Variants in PIAS2 observed in about 807,000 individuals in gnomAD.
PIAS2 encodes E3 SUMO-protein ligase PIAS2.
A neutral mutation model predicts 69.7 loss-of-function variants in PIAS2; 19 were observed. The ratio of observed to expected loss-of-function variants is 0.27; its 90% confidence interval spans 0.19 to 0.40. The LOEUF is 0.40. Among genes scored for constraint, PIAS2 ranks in the 10% least tolerant of loss-of-function variants. The pLI, the probability that PIAS2 is intolerant of heterozygous loss-of-function variation, is 1.00. For missense variants in PIAS2, 624 were observed against 757.0 expected, an observed-to-expected ratio of 0.82 and a Z score of 2.06; for synonymous variants, 261 against 263.2, an observed-to-expected ratio of 0.99 and a Z score of 0.08.
rs1349411284 is a variant in PIAS2 at position 46,809,822 on chromosome 18, A to G, written c.*2611T>C. On this transcript the variant is annotated 3_prime_UTR_variant, in exon 14 of 14. Transcript: ENST00000585916. Reference sequence around the variant, plus strand: ...TACAGTTCATTTCCTAAGATATTCCAGACAATCACTGGTTGGCTGACAGAA... The same window carrying G: ...TACAGTTCATTTCCTAAGATATTCCGGACAATCACTGGTTGGCTGACAGAA... The G allele has an allele frequency of 6.6e-6, 1 of 152,042 alleles. No homozygotes were observed. Among genetic ancestry groups the G allele is most frequent in the East Asian group, 1.9e-4 (1 of 5,186 alleles). The allele number at this position is 152,042 out of a possible 1,614,324, so 9.4% of individuals were successfully genotyped here. A position where few individuals can be genotyped will look rare whatever the true frequency, so the allele number is the denominator to read the frequency against.
At chr18:46,913,151 G>C (rs1364854574) in intron 1 of PIAS2, among the ~76,000 whole-genome samples, 2 of 152,100 alleles carry the variant, frequency 1.3e-5, no homozygotes, top group Non-Finnish European at 2.9e-5. Flanking sequence ...CCAATAAATG[G>C]GGAGAGGAGC....
At chr18:46,817,601 T>C (rs2041697784) in intron 12 of PIAS2, 4 of 950,312 alleles carry the variant, frequency 4.2e-6, no homozygotes, top group Non-Finnish European at 3.8e-6. Flanking sequence ...CCACGGAAAA[T>C]TGAATGTGGT....
chr18:46,870,615 C>CAAAAAAAAAAA (rs58099640), intron 2 of PIAS2, among the ~76,000 whole-genome samples: 2 of 54,904 alleles, frequency 3.6e-5, no homozygotes, highest in Non-Finnish European at 6.0e-5. Context: ...GACTCCGTCT[C>CAAAAAAAAAAA]AAAAAAAAAA....
chr18:46,824,169 G>A (rs567331578), intron 11 of PIAS2, among the ~76,000 whole-genome samples: 1 of 152,146 alleles, frequency 6.6e-6, no homozygotes, highest in Non-Finnish European at 1.5e-5. Flanking sequence ...GCAAATATTA[G>A]TATTCCGGAT....
At chr18:46,815,164 T>C (rs1392456714) in intron 13 of PIAS2, 148 bp downstream of exon 13, 8 of 594,118 alleles carry the variant, frequency 1.3e-5, no homozygotes, top group Non-Finnish European at 1.8e-5. Context: ...TCAAATAAAA[T>C]TGTGAAATAT....
chr18:46,883,023 G>A (rs1191092710), intron 2 of PIAS2, among the ~76,000 whole-genome samples: 3 of 151,578 alleles, frequency 2.0e-5, no homozygotes, highest in Non-Finnish European at 4.4e-5. Flanking sequence ...GCTTGAACCC[G>A]GGAAGCAGAG....
At chr18:46,904,205 C>G (rs961835772) in intron 1 of PIAS2, 2 of 151,172 alleles carry the variant, frequency 1.3e-5, no homozygotes, top group African/African-American at 4.9e-5. Flanking sequence ...AAGATGTTAA[C>G]TCTGAAAAAA....
At chr18:46,862,439 T>G (rs577200) in intron 3 of PIAS2, among the ~76,000 whole-genome samples, 93,554 of 151,958 alleles carry the variant, frequency 0.62, 30,123 homozygotes, top group African/African-American at 0.81. Context: ...GTGTTCTAAT[T>G]AATATCTGAA....
chr18:46,845,852 A>G (rs2046095782), intron 6 of PIAS2, among the ~76,000 whole-genome samples: 1 of 152,172 alleles, frequency 6.6e-6, no homozygotes, highest in Non-Finnish European at 1.5e-5. Context: ...AAAGTTTTCA[A>G]TGTCTACAAT....
At chr18:46,860,638 CAT>C (rs1324414700) in intron 3 of PIAS2, among the ~76,000 whole-genome samples, 6 of 152,098 alleles carry the variant, frequency 3.9e-5, no homozygotes, top group Non-Finnish European at 7.4e-5. Flanking sequence ...GAATATAACT[CAT>C]AGAGCACCCA....
chr18:46,867,206 G>C (rs1323754981), intron 2 of PIAS2, among the ~76,000 whole-genome samples: 2 of 151,582 alleles, frequency 1.3e-5, no homozygotes, highest in Admixed American at 6.6e-5. Context: ...ACCTATATTT[G>C]CTGTCAAATT....
intron 1 of PIAS2, among the ~76,000 whole-genome samples, chr18:46,913,533 G>A (rs1007947595): frequency 2.0e-5 from 3 of 151,198 alleles, no homozygotes; most frequent in African/African-American, 7.3e-5. Flanking sequence ...TGAAAAGAAG[G>A]GGATGAAGAA....
chr18:46,886,888 C>G (rs997514716), intron 2 of PIAS2, among the ~76,000 whole-genome samples: 2 of 152,080 alleles, frequency 1.3e-5, no homozygotes, highest in African/African-American at 4.8e-5. Context: ...ATACTTGCTC[C>G]TGTTACTAAT....
chr18:46,831,750 T>C (rs1599482944), intron 9 of PIAS2, among the ~76,000 whole-genome samples: 1 of 152,148 alleles, frequency 6.6e-6, no homozygotes, highest in South Asian at 2.1e-4. Flanking sequence ...CATGGCCATA[T>C]ACCAAACAAA....
chr18:46,829,129 G>A (rs2043223020), intron 10 of PIAS2, among the ~76,000 whole-genome samples: 1 of 152,156 alleles, frequency 6.6e-6, no homozygotes, highest in African/African-American at 2.4e-5. Flanking sequence ...CAATGAGACT[G>A]TTAGATAAAA....
At chr18:46,881,374 GGTGT>G (rs555968614) in intron 2 of PIAS2, among the ~76,000 whole-genome samples, 56 of 152,112 alleles carry the variant, frequency 3.7e-4, no homozygotes, top group African/African-American at 1.3e-3. Flanking sequence ...GAAAAACTTT[GGTGT>G]ATGTAATGGG....
At chr18:46,816,849 CA>C (rs1209196987) in intron 12 of PIAS2, 8 of 981,974 alleles carry the variant, frequency 8.1e-6, no homozygotes, top group Non-Finnish European at 8.5e-6. Context: ...AAGAGAATTA[CA>C]ACAAACTTTT....
intron 9 of PIAS2, among the ~76,000 whole-genome samples, chr18:46,834,368 G>A (rs1018990264): frequency 1.3e-5 from 2 of 152,112 alleles, no homozygotes; most frequent in African/African-American, 4.8e-5. Flanking sequence ...TGGCACATGT[G>A]GACAGAGAAA....
intron 12 of PIAS2, among the ~76,000 whole-genome samples, chr18:46,818,976 T>G (rs2041875845): frequency 6.6e-6 from 1 of 152,098 alleles, no homozygotes; most frequent in African/African-American, 2.4e-5. Context: ...AAGTCTCACT[T>G]TATGCCCAAA....
Sources: gnomAD v4.1 joint callset for allele counts (sites outside exome capture counted in the v4.1 genomes callset) on GRCh38, gnomAD v4.1.1 for gene constraint, MANE v1.5 for transcripts, NCBI Gene and HGNC (gene_info 2026-07-23, HGNC 2026-07-21) for gene names.